DOCK2: variants seen among roughly 807,000 people sequenced by gnomAD.
The protein encoded by DOCK2 is dedicator of cytokinesis protein 2.
Under a neutral mutation model 248.9 loss-of-function variants are expected in DOCK2, and 87 were observed. The observed-to-expected ratio is 0.35, with a 90% CI of 0.29 to 0.42. The LOEUF is 0.42. Ranked by LOEUF, DOCK2 falls within the 10% of genes least tolerant of loss-of-function variation. The pLI, the probability that DOCK2 is intolerant of heterozygous loss-of-function variation, is 1.00. For missense variants in DOCK2, 1,747 were observed against 2,300.2 expected, an observed-to-expected ratio of 0.76 and a Z score of 4.92; for synonymous variants, 805 against 821.6, an observed-to-expected ratio of 0.98 and a Z score of 0.35.
intron 27 of DOCK2, among the ~76,000 whole-genome samples, chr5:169,879,089 C>T (rs1311215741): frequency 6.6e-6 from 1 of 152,190 alleles, no homozygotes; most frequent in African/African-American, 2.4e-5. Flanking sequence ...CCATAGCCTC[C>T]AGCTGCTGGA....
chr5:169,854,254 C>T (rs969946206), intron 27 of DOCK2, among the ~76,000 whole-genome samples: 2 of 151,176 alleles, frequency 1.3e-5, no homozygotes, highest in African/African-American at 4.9e-5. Context: ...GGCATGATCT[C>T]AGTTCACTGC....
intron 27 of DOCK2, among the ~76,000 whole-genome samples, chr5:169,891,004 C>G (rs1315034660): frequency 6.6e-6 from 1 of 152,188 alleles, no homozygotes; most frequent in Non-Finnish European, 1.5e-5. Flanking sequence ...CAAACTAGTT[C>G]CATAACTTTC....
chr5:170,030,642 G>C (rs1756100455), intron 34 of DOCK2, among the ~76,000 whole-genome samples: 1 of 152,200 alleles, frequency 6.6e-6, no homozygotes, highest in African/African-American at 2.4e-5. Flanking sequence ...CATTTCCTTT[G>C]AGTGTCATGT....
At chr5:169,762,898 C>T (rs1441470114) in intron 25 of DOCK2, among the ~76,000 whole-genome samples, 4 of 152,204 alleles carry the variant, frequency 2.6e-5, no homozygotes. Context: ...CTGGTAATCA[C>T]AGAAATATTC....
At chr5:169,891,291 C>T (rs781458359) in intron 27 of DOCK2, among the ~76,000 whole-genome samples, 31 of 152,182 alleles carry the variant, frequency 2.0e-4, no homozygotes, top group Non-Finnish European at 4.3e-4. Context: ...AAACCCTGTC[C>T]TATTAGCTTA....
intron 27 of DOCK2, among the ~76,000 whole-genome samples, chr5:169,912,260 G>C (rs1412918752): frequency 6.6e-6 from 1 of 151,992 alleles, no homozygotes; most frequent in Non-Finnish European, 1.5e-5. Flanking sequence ...GGGTCTCACT[G>C]TGTTGCCCAG....
Position 170,056,689 on chromosome 5 carries a change from A to T in DOCK2, c.4301A>T (p.Tyr1434Phe). Residue 1434 changes from tyrosine (Y) to phenylalanine (F), a missense_variant, in exon 43 of 52, where the codon TAC becomes TTC. Physicochemically the swap from Tyr to Phe is conservative, Grantham distance 22 (BLOSUM62 3). Around this residue, in one of 4 missense-constraint regions of DOCK2, gnomAD observed 513 missense variants for 586.1 expected, o/e 0.88. Coordinates refer to ENST00000520908, the MANE Select transcript of DOCK2 (RefSeq NM_004946.3). ...KPVPDQIINFYKSNYVQRFHY... is the reference protein window; with the variant it reads ...KPVPDQIINFFKSNYVQRFHY... ...AGCCTCTTCCTGTCTTTCAGCTTCT[A>T]CAAATCCAACTACGTGCAAAGGTTC... 9 of 1,614,000 alleles carry T rather than the reference A, an allele frequency of 5.6e-6. No individual in the cohort carries two copies. Among genetic ancestry groups the T allele is most frequent in the Non-Finnish European group, 7.6e-6 (9 of 1,179,924 alleles).
intron 27 of DOCK2, among the ~76,000 whole-genome samples, chr5:169,882,250 A>G (rs1289718873): frequency 1.3e-5 from 2 of 152,206 alleles, no homozygotes; most frequent in African/African-American, 4.8e-5. Flanking sequence ...ATGTATCAAT[A>G]GAACCCTCAT....
chr5:169,827,904 A>G (rs1768972752), intron 26 of DOCK2, among the ~76,000 whole-genome samples: 1 of 152,124 alleles, frequency 6.6e-6, no homozygotes. Flanking sequence ...TCAACATTAA[A>G]ACCGAGGCAC....
At chr5:169,716,530 T>C (rs768751606) in intron 20 of DOCK2, among the ~76,000 whole-genome samples, 2 of 152,240 alleles carry the variant, frequency 1.3e-5, no homozygotes, top group African/African-American at 2.4e-5. Context: ...GAATTTTAAA[T>C]GCTGATGTCA....
intron 22 of DOCK2, among the ~76,000 whole-genome samples, chr5:169,743,055 C>T (rs147188052): frequency 3.9e-5 from 6 of 152,286 alleles, no homozygotes; most frequent in East Asian, 3.9e-4. Context: ...AGAGATCAAG[C>T]GCTAAAAAAG....
intron 27 of DOCK2, among the ~76,000 whole-genome samples, chr5:169,911,896 T>A (rs547118411): frequency 1.3e-5 from 2 of 152,364 alleles, no homozygotes; most frequent in East Asian, 3.9e-4. Context: ...CACTGTCATC[T>A]TCACTACCAG....
intron 34 of DOCK2, among the ~76,000 whole-genome samples, chr5:170,028,775 G>C (rs941333451): frequency 1.3e-5 from 2 of 150,448 alleles, no homozygotes; most frequent in Non-Finnish European, 3.0e-5. Context: ...ACACGCGTGC[G>C]CACACACACC....
At chr5:169,950,675 T>A (rs962420502) in intron 27 of DOCK2, among the ~76,000 whole-genome samples, 1 of 152,224 alleles carries the variant, frequency 6.6e-6, no homozygotes, top group Non-Finnish European at 1.5e-5. Context: ...TGTCCAATGT[T>A]GTGTTCCTCT....
At position 170,041,076 on chromosome 5, in the gene DOCK2, T is replaced by C; in HGVS notation, c.3687T>C (p.Asp1229=). 1 of 1,614,072 alleles carries C rather than the reference T, an allele frequency of 6.2e-7. No individual in the cohort carries two copies. Among genetic ancestry groups the C allele is most frequent in the Non-Finnish European group, 8.5e-7 (1 of 1,180,022 alleles). Residue 1229 remains aspartate, a synonymous_variant, in exon 37 of 52, where the codon GAT becomes GAC. Transcript: ENST00000520908. The part of the protein sequence containing the change: ...MYIRYLYKLR[D]LHLDCDNYTE... The stretch of plus-strand genomic sequence containing the variant: ...ACAGGTACCTGTACAAACTCCGCGA[T>C]CTTCACCTGGACTGTGACAATTACA...
chr5:169,655,894 C>T (rs1349119630), intron 2 of DOCK2, among the ~76,000 whole-genome samples: 3 of 152,122 alleles, frequency 2.0e-5, no homozygotes, highest in Non-Finnish European at 4.4e-5. Context: ...TTATTTTATG[C>T]TTTAGTATTA....
intron 22 of DOCK2, among the ~76,000 whole-genome samples, chr5:169,739,977 T>C (rs1034608642): frequency 6.6e-6 from 1 of 152,236 alleles, no homozygotes; most frequent in African/African-American, 2.4e-5. Flanking sequence ...AAACATTCAA[T>C]TTCTAATTAT....
At chr5:169,690,053 T>G (rs955521337) in intron 9 of DOCK2, among the ~76,000 whole-genome samples, 10 of 113,898 alleles carry the variant, frequency 8.8e-5, no homozygotes, top group African/African-American at 3.5e-4. Context: ...AAGAGTGTGA[T>G]TTTTTTTTTT....
intron 32 of DOCK2, among the ~76,000 whole-genome samples, chr5:170,012,734 A>G (rs1755349213): frequency 6.6e-6 from 1 of 152,208 alleles, no homozygotes; most frequent in African/African-American, 2.4e-5. Flanking sequence ...ATAGCATCGT[A>G]ACACTTGATT....
Sources: allele counts gnomAD v4.1 joint callset (sites outside exome capture counted in the v4.1 genomes callset), GRCh38; gene constraint gnomAD v4.1.1; regional missense constraint gnomAD v4.1.1; transcripts MANE v1.5; gene names NCBI Gene and HGNC (gene_info 2026-07-23, HGNC 2026-07-21).